GRXCR1: variants seen among roughly 807,000 people sequenced by gnomAD.
The protein encoded by GRXCR1 is glutaredoxin and cysteine rich domain containing 1.
Under a neutral mutation model 27.3 loss-of-function variants are expected in GRXCR1, and 27 were observed. The observed-to-expected ratio is 0.99, with a 90% CI of 0.73 to 1.37. The LOEUF (loss-of-function observed/expected upper bound fraction) is 1.37, where lower values mean the gene tolerates loss of function less well. GRXCR1 is among the 40% of genes most tolerant of loss of function. The probability of loss-of-function intolerance (pLI) is 0.00; values close to 1 mark genes in which losing one functional copy is unlikely to be tolerated. For missense variants in GRXCR1, 379 were observed against 354.4 expected, an observed-to-expected ratio of 1.07 and a Z score of -0.56; for synonymous variants, 122 against 131.1, an observed-to-expected ratio of 0.93 and a Z score of 0.47.
chr4:42,935,247 T>C (rs1010567352), intron 1 of GRXCR1, among the ~76,000 whole-genome samples: 1 of 151,876 alleles, frequency 6.6e-6, no homozygotes, highest in Non-Finnish European at 1.5e-5. Context: ...AGTAGCAAAG[T>C]TAGCAGTTTC....
intron 1 of GRXCR1, among the ~76,000 whole-genome samples, chr4:42,896,641 G>A (rs1746352474): frequency 1.3e-5 from 2 of 152,102 alleles, no homozygotes; most frequent in Non-Finnish European, 2.9e-5. Context: ...CTGTGGCCTG[G>A]AAATAGGCGT....
intron 2 of GRXCR1, among the ~76,000 whole-genome samples, chr4:42,967,103 T>C (rs1311726754): frequency 6.6e-6 from 1 of 152,110 alleles, no homozygotes; most frequent in Non-Finnish European, 1.5e-5. Flanking sequence ...ACTTTTGATG[T>C]TGTATCTAAC....
chr4:43,025,022 G>A (rs941599690), intron 3 of GRXCR1, among the ~76,000 whole-genome samples: 3 of 152,084 alleles, frequency 2.0e-5, no homozygotes, highest in African/African-American at 7.2e-5. Flanking sequence ...AAAATAATAA[G>A]AGCTTCATTT....
chr4:42,974,200 G>A (rs62297778), intron 2 of GRXCR1, among the ~76,000 whole-genome samples: 2 of 152,086 alleles, frequency 1.3e-5, no homozygotes, highest in Admixed American at 6.6e-5. Flanking sequence ...ATCATGGAGG[G>A]TAGGGGGCTG....
intron 1 of GRXCR1, among the ~76,000 whole-genome samples, chr4:42,921,465 T>C (rs1301864354): frequency 6.6e-6 from 1 of 152,130 alleles, no homozygotes; most frequent in Non-Finnish European, 1.5e-5. Context: ...GTTAACTAAA[T>C]ATCCAACTGC....
chr4:42,995,276 T>C (rs906617001), intron 2 of GRXCR1, among the ~76,000 whole-genome samples: 3 of 152,178 alleles, frequency 2.0e-5, no homozygotes, highest in African/African-American at 4.8e-5. Context: ...CACTGAATTA[T>C]AGTTTTATCT....
intron 2 of GRXCR1, among the ~76,000 whole-genome samples, chr4:42,972,413 G>A (rs981498263): frequency 1.3e-5 from 2 of 152,148 alleles, no homozygotes; most frequent in Non-Finnish European, 2.9e-5. Flanking sequence ...AAGCCACGAA[G>A]TGTTTGTTCT....
chr4:43,026,975 T>G (rs919927083), intron 3 of GRXCR1, among the ~76,000 whole-genome samples: 1 of 152,180 alleles, frequency 6.6e-6, no homozygotes, highest in Non-Finnish European at 1.5e-5. Flanking sequence ...TGAAACACAT[T>G]TACTCTCCCT....
chr4:42,974,422 G>A (rs1473815574), intron 2 of GRXCR1, among the ~76,000 whole-genome samples: 2 of 152,098 alleles, frequency 1.3e-5, no homozygotes, highest in East Asian at 1.9e-4. Flanking sequence ...AGCATTAATG[G>A]GAACTATAAT....
chr4:42,910,152 A>G (rs1220071073), intron 1 of GRXCR1, among the ~76,000 whole-genome samples: 1 of 152,042 alleles, frequency 6.6e-6, no homozygotes. Flanking sequence ...AAATCATCAG[A>G]TCTCACGAGA....
At chr4:42,944,492 T>G (rs1747697959) in intron 1 of GRXCR1, among the ~76,000 whole-genome samples, 1 of 152,140 alleles carries the variant, frequency 6.6e-6, no homozygotes, top group South Asian at 2.1e-4. Flanking sequence ...CAGCCAGTTA[T>G]GCATTTTTAT....
At chr4:42,937,548 A>G (rs1747489569) in intron 1 of GRXCR1, among the ~76,000 whole-genome samples, 1 of 151,912 alleles carries the variant, frequency 6.6e-6, no homozygotes, top group Admixed American at 6.6e-5. Context: ...CCACATCTAT[A>G]AATATTTCCA....
intron 2 of GRXCR1, among the ~76,000 whole-genome samples, chr4:42,992,947 AAAAT>A (rs757569978): frequency 5.0e-4 from 76 of 152,034 alleles, no homozygotes; most frequent in Non-Finnish European, 9.0e-4. Flanking sequence ...TGGGGAGAAA[AAAAT>A]AAAAATGTAG....
intron 1 of GRXCR1, among the ~76,000 whole-genome samples, chr4:42,903,804 G>A (rs894570564): frequency 1.6e-5 from 2 of 127,830 alleles, no homozygotes; most frequent in Non-Finnish European, 3.3e-5. Context: ...TTCTGGAGAT[G>A]AAATTATACT....
chr4:43,022,449 T>C (rs1266361306), intron 3 of GRXCR1, among the ~76,000 whole-genome samples: 1 of 152,314 alleles, frequency 6.6e-6, no homozygotes, highest in East Asian at 1.9e-4. Context: ...AAGAAGATGT[T>C]TTTCTCTTCA....
intron 3 of GRXCR1, among the ~76,000 whole-genome samples, chr4:43,026,702 T>G (rs1333478637): frequency 6.6e-6 from 1 of 152,214 alleles, no homozygotes; most frequent in Non-Finnish European, 1.5e-5. Flanking sequence ...AGAGACCTCT[T>G]CAATATTCCA....
At chr4:42,915,014 G>T (rs1746853799) in intron 1 of GRXCR1, among the ~76,000 whole-genome samples, 1 of 152,122 alleles carries the variant, frequency 6.6e-6, no homozygotes, top group Non-Finnish European at 1.5e-5. Context: ...ATGTGGAACT[G>T]TGAGTCAATT....
At chr4:43,005,948 G>C (rs1243416646) in intron 2 of GRXCR1, among the ~76,000 whole-genome samples, 1 of 152,216 alleles carries the variant, frequency 6.6e-6, no homozygotes, top group Non-Finnish European at 1.5e-5. Flanking sequence ...ACCCCAAATG[G>C]AGGGACCGGC....
At chr4:42,932,898 GGA>G (rs1222110014) in intron 1 of GRXCR1, among the ~76,000 whole-genome samples, 1 of 151,528 alleles carries the variant, frequency 6.6e-6, no homozygotes, top group Non-Finnish European at 1.5e-5. Flanking sequence ...GCCTTGAGGT[GGA>G]GAGGAAATAA....
Sources: gnomAD v4.1 joint callset for allele counts (sites outside exome capture counted in the v4.1 genomes callset) on GRCh38, gnomAD v4.1.1 for gene constraint, MANE v1.5 for transcripts, NCBI Gene and HGNC (gene_info 2026-07-23, HGNC 2026-07-21) for gene names.